The following HDAC4 variants were observed in gnomAD, a reference collection of about 807,000 sequenced individuals.
HDAC4 encodes the protein histone deacetylase A.
HDAC4 carries 16 observed loss-of-function variants against 135.1 expected under a neutral mutation model. That is an observed-to-expected ratio of 0.12 (90% CI 0.08 to 0.18). HDAC4 has a LOEUF of 0.18. Among genes scored for constraint, HDAC4 ranks in the 10% least tolerant of loss-of-function variants. HDAC4 has a pLI of 1.00. For missense variants in HDAC4, 1,143 were observed against 1,511.8 expected, an observed-to-expected ratio of 0.76 and a Z score of 4.05; for synonymous variants, 685 against 653.4, an observed-to-expected ratio of 1.05 and a Z score of -0.74.
At chr2:239,389,296 C>T (rs945261158) in intron 1 of HDAC4, among the ~76,000 whole-genome samples, 5 of 152,122 alleles carry the variant, frequency 3.3e-5, no homozygotes, top group African/African-American at 1.2e-4. Flanking sequence ...TTTGTTCTTT[C>T]GATCTCCACA....
intron 22 of HDAC4, among the ~76,000 whole-genome samples, chr2:239,077,015 C>T (rs143647669): frequency 6.6e-6 from 1 of 152,298 alleles, no homozygotes; most frequent in African/African-American, 2.4e-5. Context: ...ACCTCACCAG[C>T]CTGTGGCCCT....
chr2:239,153,582 TTTATG>T (rs1488425719), intron 7 of HDAC4, among the ~76,000 whole-genome samples: 2 of 152,156 alleles, frequency 1.3e-5, no homozygotes, highest in African/African-American at 4.8e-5. Context: ...CTCGGAAATC[TTTATG>T]TTATTATTAT....
intron 4 of HDAC4, among the ~76,000 whole-genome samples, chr2:239,180,812 C>T (rs1424967412): frequency 2.0e-5 from 3 of 152,234 alleles, no homozygotes; most frequent in African/African-American, 4.8e-5. Context: ...CCGCCTGCCC[C>T]ATTGCAGTGA....
intron 7 of HDAC4, 144 bp from the exon 8 acceptor site, chr2:239,144,858 G>A: frequency 1.3e-6 from 1 of 795,522 alleles, no homozygotes; most frequent in Non-Finnish European, 2.1e-6. Flanking sequence ...AGCGCAGGGA[G>A]CTCACGAAGC....
At chr2:239,080,541 C>T (rs1401227416) in intron 22 of HDAC4, among the ~76,000 whole-genome samples, 3 of 152,154 alleles carry the variant, frequency 2.0e-5, no homozygotes, top group African/African-American at 4.8e-5. Flanking sequence ...CTGGCCTAGA[C>T]CAAAGGAGAA....
intron 1 of HDAC4, among the ~76,000 whole-genome samples, chr2:239,366,661 C>T (rs754979803): frequency 6.6e-6 from 1 of 152,202 alleles, no homozygotes; most frequent in Non-Finnish European, 1.5e-5. Context: ...TTCAGACAGA[C>T]ACACAGAAGG....
chr2:239,325,060 C>T (rs2053431161), intron 2 of HDAC4, among the ~76,000 whole-genome samples: 1 of 152,226 alleles, frequency 6.6e-6, no homozygotes, highest in Non-Finnish European at 1.5e-5. Flanking sequence ...GAAGTTGAAC[C>T]CCTACCTCAT....
rs1478213142 is a variant in HDAC4, at chr2:239,229,758, A to C, written c.94+6835T>G. Among the ~76,000 whole-genome samples the C allele has an allele frequency of 2.0e-5, 3 of 152,316 alleles. No homozygotes were observed. In the East Asian group the frequency reaches 5.8e-4, roughly 29 times the overall value. ...GTCAGCATAAAAAAATGTTTGAGTTAAGATAAGCGGAGATTCTCGTTATGT... is the reference window on the plus strand; with the variant it reads ...GTCAGCATAAAAAAATGTTTGAGTTCAGATAAGCGGAGATTCTCGTTATGT... On this transcript the variant is annotated intron_variant, in intron 3 of 26. Coordinates refer to ENST00000543185, the MANE Select transcript of HDAC4 (RefSeq NM_001378414.1).
intron 2 of HDAC4, among the ~76,000 whole-genome samples, chr2:239,294,921 G>A (rs1301809432): frequency 6.6e-6 from 1 of 152,184 alleles, no homozygotes; most frequent in African/African-American, 2.4e-5. Flanking sequence ...TGGGAGGCCC[G>A]GGAGAGACTG....
intron 17 of HDAC4, chr2:239,094,497 T>C (rs760326130): frequency 2.6e-4 from 258 of 1,010,212 alleles, no homozygotes; most frequent in Non-Finnish European, 3.0e-4. Context: ...AGACCAGTGA[T>C]TCATATGCCC....
At chr2:239,187,501 C>T (rs1434738193) in intron 4 of HDAC4, among the ~76,000 whole-genome samples, 1 of 152,186 alleles carries the variant, frequency 6.6e-6, no homozygotes, top group Non-Finnish European at 1.5e-5. Flanking sequence ...TGCAGTGACT[C>T]CCCCGGACCC....
intron 9 of HDAC4, among the ~76,000 whole-genome samples, chr2:239,136,424 C>A (rs2040961821): frequency 6.6e-6 from 1 of 152,176 alleles, no homozygotes; most frequent in South Asian, 2.1e-4. Flanking sequence ...ACCACATTTT[C>A]TCTGTCTATT....
intron 12 of HDAC4, among the ~76,000 whole-genome samples, chr2:239,122,752 CCTCT>C (rs1176814228): frequency 6.6e-6 from 1 of 152,228 alleles, no homozygotes; most frequent in Non-Finnish European, 1.5e-5. Flanking sequence ...GCACGGGCCG[CCTCT>C]CTTTCTTTTT....
In HDAC4 at chr2:239,144,720, C is replaced by T. The variant is rs780330824; in HGVS notation, c.734-6G>A. 5.1e-5 allele frequency: 83 copies of T among 1,613,972 alleles called. No individual in the cohort carries two copies. Among genetic ancestry groups the T allele is most frequent in the African/African-American group, 8.0e-5 (6 of 74,902 alleles). ...TTTCAGATTCGGTTCAGAAGCTGCA[C>T]AAAAAGGAGATGTCATTACAGCCAG... On this transcript the variant is annotated splice_polypyrimidine_tract_variant and splice_region_variant and intron_variant, in intron 7 of 26. Transcript: ENST00000543185.
intron 2 of HDAC4, among the ~76,000 whole-genome samples, chr2:239,342,164 A>T (rs897089492): frequency 6.6e-6 from 1 of 152,200 alleles, no homozygotes; most frequent in Admixed American, 6.5e-5. Context: ...GCATCACCTA[A>T]ACAACCACAT....
intron 2 of HDAC4, among the ~76,000 whole-genome samples, chr2:239,269,353 A>T (rs556316036): frequency 4.3e-4 from 66 of 152,228 alleles, no homozygotes; most frequent in African/African-American, 1.6e-3. Flanking sequence ...ACACATCTAC[A>T]TACACGTGCA....
intron 1 of HDAC4, among the ~76,000 whole-genome samples, chr2:239,383,541 G>A (rs1695568625): frequency 6.6e-6 from 1 of 151,976 alleles, no homozygotes. Context: ...GAAACCCACG[G>A]CAAGCGCAGT....
At chr2:239,321,304 A>C (rs979761938) in intron 2 of HDAC4, among the ~76,000 whole-genome samples, 13 of 152,016 alleles carry the variant, frequency 8.6e-5, no homozygotes, top group Non-Finnish European at 1.8e-4. Flanking sequence ...TCTCTACTAA[A>C]AATACAAAAA....
In HDAC4 at chr2:239,139,419, G is replaced by A. The variant is rs1012825990; in HGVS notation, c.978+265C>T. 2.6e-4 allele frequency among the ~76,000 whole-genome samples: 40 copies of A among 152,134 alleles called. No individual in the cohort carries two copies. The highest frequency in any genetic ancestry group is 8.9e-4 in the African/African-American group (37 of 41,436). On this transcript the variant is annotated intron_variant, in intron 9 of 26. Transcript: ENST00000543185. This position sits in a 1 kb window ranked among gnomAD's most constrained non-coding sequence, Gnocchi z 5.3. ...TCTAGTGACATCTGCTCTGGAAGAG[G>A]TCAGGAGAAAGGACCAGGCTCAGGG...
Sources: gnomAD v4.1 joint callset for allele counts (sites outside exome capture counted in the v4.1 genomes callset) on GRCh38, gnomAD v4.1.1 for gene constraint, Gnocchi (gnomAD v3.1) non-coding constraint, MANE v1.5 for transcripts, NCBI Gene and HGNC (gene_info 2026-07-23, HGNC 2026-07-21) for gene names.